Variants in RETREG1 observed in about 807,000 individuals in gnomAD.
RETREG1 encodes reticulophagy regulator 1, also known as family with sequence similarity 134 member B.
A neutral mutation model predicts 54.8 loss-of-function variants in RETREG1; 44 were observed. The ratio of observed to expected loss-of-function variants is 0.80; its 90% CI spans 0.63 to 1.03. RETREG1 has a LOEUF of 1.03. Ranked by LOEUF, RETREG1 falls within the 50% of genes least tolerant of loss-of-function variation. The pLI is 0.00. For missense variants in RETREG1, 554 were observed against 605.1 expected (o/e 0.92, Z 0.89); for synonymous variants, 217 against 238.5 (o/e 0.91, Z 0.83).
chr5:16,573,731 G>GT (rs1454072189), intron 1 of RETREG1, among the ~76,000 whole-genome samples: 2 of 109,896 alleles, frequency 1.8e-5, no homozygotes, highest in Admixed American at 1.0e-4. Context: ...TTTTGGGTTT[G>GT]TTTGTTTTTT....
rs561979249 is a variant in RETREG1, at chr5:16,591,953, G to A, written c.321-19851C>T. Among the ~76,000 whole-genome samples, 90 of 152,292 alleles carry A rather than the reference G, an allele frequency of 5.9e-4. 2 individuals are homozygous for A. The South Asian group carries it at 0.017, about 28-fold the overall frequency. On this transcript the variant is annotated intron_variant, in intron 1 of 8. Transcript: ENST00000306320. ...AACATTTGACATGAAACAGCAACAAGAAAAGAAAATGCCTCACTTCAACCA... is the reference window on the plus strand; with the variant it reads ...AACATTTGACATGAAACAGCAACAAAAAAAGAAAATGCCTCACTTCAACCA...
At chr5:16,598,367 G>A (rs1040653221) in intron 1 of RETREG1, among the ~76,000 whole-genome samples, 2 of 152,174 alleles carry the variant, frequency 1.3e-5, no homozygotes, top group Non-Finnish European at 2.9e-5. Context: ...AGTTCCATGA[G>A]GGAAGAAGAC....
chr5:16,540,705 A>G (rs1331552866), intron 3 of RETREG1, among the ~76,000 whole-genome samples: 1 of 152,196 alleles, frequency 6.6e-6, no homozygotes, highest in African/African-American at 2.4e-5. Context: ...CCATCCCCAG[A>G]AGAACCAAAC....
intron 1 of RETREG1, among the ~76,000 whole-genome samples, chr5:16,612,503 G>C (rs1471368125): frequency 6.6e-6 from 1 of 152,310 alleles, no homozygotes; most frequent in African/African-American, 2.4e-5. Context: ...GAACTGTAAG[G>C]CTATGTTAGT....
At chr5:16,483,880 C>T (rs1473684820) in intron 3 of RETREG1, among the ~76,000 whole-genome samples, 1 of 151,934 alleles carries the variant, frequency 6.6e-6, no homozygotes, top group Non-Finnish European at 1.5e-5. Context: ...GTGACTCCAG[C>T]AAAGTCAACC....
At chr5:16,528,845 A>G (rs552213391) in intron 3 of RETREG1, among the ~76,000 whole-genome samples, 3 of 152,238 alleles carry the variant, frequency 2.0e-5, no homozygotes, top group South Asian at 2.1e-4. Context: ...ACAATACTCA[A>G]TCCTACCATT....
intron 1 of RETREG1, among the ~76,000 whole-genome samples, chr5:16,581,322 A>G (rs1056856819): frequency 6.6e-6 from 1 of 152,110 alleles, no homozygotes; most frequent in Non-Finnish European, 1.5e-5. Context: ...ACAAATTCAA[A>G]GAACACAGTG....
intron 3 of RETREG1, among the ~76,000 whole-genome samples, chr5:16,540,404 T>TA (rs1741207975): frequency 6.6e-6 from 1 of 152,132 alleles, no homozygotes; most frequent in African/African-American, 2.4e-5. Flanking sequence ...CTTCGGCAAA[T>TA]ACAGGGCAGG....
rs1738425048 is a variant in RETREG1 at position 16,474,278 on chromosome 5, A to G, written c.*463T>C. The G allele has an allele frequency of 6.5e-6, 1 of 154,316 alleles. No individual in the cohort carries two copies. The highest frequency in any genetic ancestry group is 1.4e-5 in the Non-Finnish European group (1 of 71,084). The allele number at this position is 154,316 out of a possible 1,614,324, so 9.6% of individuals were successfully genotyped here. ...TTCGGTCTTTTTTACATCAAAATCT[A>G]TCCGTTGAAAAAAAAATTTTCCAGG... On this transcript the variant is annotated 3_prime_UTR_variant, in exon 9 of 9. Coordinates refer to ENST00000306320, the MANE Select transcript of RETREG1 (RefSeq NM_001034850.3).
intron 3 of RETREG1, among the ~76,000 whole-genome samples, chr5:16,540,663 G>A (rs758017029): frequency 6.6e-6 from 1 of 152,170 alleles, no homozygotes; most frequent in African/African-American, 2.4e-5. Context: ...ATCCTAACAC[G>A]GGTGCTGGGC....
intron 3 of RETREG1, among the ~76,000 whole-genome samples, chr5:16,563,104 T>C (rs1741908728): frequency 6.6e-6 from 1 of 152,242 alleles, no homozygotes; most frequent in Non-Finnish European, 1.5e-5. Context: ...AACCAACTAA[T>C]GCAAGATTCA....
At position 16,537,897 on chromosome 5, in the gene RETREG1, G is replaced by A. The variant is rs573255593; in HGVS notation, c.458+27866C>T. ...GCATGCAGGGTCCATGGCTTTGGGA[G>A]TGAATATCAGGCAAAGAAAGCCCAC... On this transcript the variant is annotated intron_variant, in intron 3 of 8. Transcript: ENST00000306320. Among the ~76,000 whole-genome samples, 6 of 152,284 alleles carry A rather than the reference G, an allele frequency of 3.9e-5. No homozygotes were observed. The South Asian group carries it at 1.2e-3, about 32-fold the overall frequency.
Position 16,473,631 on chromosome 5 carries a change from T to C in RETREG1, c.*1110A>G, listed in dbSNP as rs1386795320. 1.3e-5 allele frequency: 2 copies of C among 152,546 alleles called. No homozygotes were observed. The highest frequency in any genetic ancestry group is 4.8e-5 in the African/African-American group (2 of 41,438). The allele number at this position is 152,546 out of a possible 1,614,324, so 9.4% of individuals were successfully genotyped here. On this transcript the variant is annotated 3_prime_UTR_variant, in exon 9 of 9. Coordinates refer to ENST00000306320, the MANE Select transcript of RETREG1 (RefSeq NM_001034850.3). ...AGGTTGGTTTCAGCTCTTTAGTCCT[T>C]TGTTAAAAACCATAAATCAAATTTG... is the stretch of plus-strand genomic sequence containing the variant.
chr5:16,610,624 A>C lies in RETREG1; in HGVS notation c.320+6028T>G, dbSNP rs947024883. Among the ~76,000 whole-genome samples the C allele has an allele frequency of 2.0e-5, 3 of 152,272 alleles. No homozygotes were observed. In the East Asian group the frequency reaches 5.8e-4, roughly 29 times the overall value. ...ATATGAACAGACACTTCTCAAAAGA[A>C]GACATTTATGCAGCCAAAAGACACA... On this transcript the variant is annotated intron_variant, in intron 1 of 8. Coordinates refer to ENST00000306320, the MANE Select transcript of RETREG1 (RefSeq NM_001034850.3).
intron 3 of RETREG1, among the ~76,000 whole-genome samples, chr5:16,527,800 ATTT>A (rs386403108): frequency 0.012 from 802 of 66,248 alleles, 10 homozygotes; most frequent in Non-Finnish European, 0.018. Context: ...AGGGACTCTA[ATTT>A]TTTTTTTTTT....
intron 3 of RETREG1, among the ~76,000 whole-genome samples, chr5:16,513,549 C>T (rs982595527): frequency 1.3e-5 from 2 of 152,184 alleles, no homozygotes; most frequent in Admixed American, 6.5e-5. Flanking sequence ...ATTTTTACAC[C>T]AGCCATCCGA....
chr5:16,609,523 C>G (rs1428855524), intron 1 of RETREG1, among the ~76,000 whole-genome samples: 6 of 152,162 alleles, frequency 3.9e-5, no homozygotes, highest in Admixed American at 2.0e-4. Context: ...AATTCTATCT[C>G]AGGCTGTGAG....
chr5:16,583,118 C>T (rs1162228287), intron 1 of RETREG1, among the ~76,000 whole-genome samples: 1 of 152,140 alleles, frequency 6.6e-6, no homozygotes, highest in African/African-American at 2.4e-5. Context: ...GGACAATTTA[C>T]ACGATGAAAA....
intron 3 of RETREG1, among the ~76,000 whole-genome samples, chr5:16,529,135 A>G (rs1193553302): frequency 6.6e-6 from 1 of 152,200 alleles, no homozygotes; most frequent in Non-Finnish European, 1.5e-5. Context: ...AAAACCTACA[A>G]ATAAAAAATA....
Sources: gnomAD v4.1 joint callset for allele counts (sites outside exome capture counted in the v4.1 genomes callset) on GRCh38, gnomAD v4.1.1 for gene constraint, MANE v1.5 for transcripts, NCBI Gene and HGNC (gene_info 2026-07-23, HGNC 2026-07-21) for gene names.